Variants in DTNA observed in about 807,000 individuals in gnomAD.
DTNA encodes the protein dystrophin-related protein 3.
A neutral mutation model predicts 100.7 loss-of-function variants in DTNA; 43 were observed. The ratio of observed to expected loss-of-function variants is 0.43; its 90% CI spans 0.33 to 0.55. The LOEUF is 0.55. Among genes scored for constraint, DTNA ranks in the 20% least tolerant of loss-of-function variants. The pLI, the probability that DTNA is intolerant of heterozygous loss-of-function variation, is 0.04. For synonymous variants in DTNA, 349 were observed against 347.9 expected, an observed-to-expected ratio of 1.00 and a Z score of -0.04; for missense variants, 798 against 953.9, an observed-to-expected ratio of 0.84 and a Z score of 2.15.
chr18:34,879,732 C>A lies in DTNA; in HGVS notation c.2162+13C>A, dbSNP rs556564929. On this transcript the variant is annotated intron_variant, in intron 20 of 22. Transcript: ENST00000444659. ...TGCGTGGCGACATGTGAGTATCTTC[C>A]GCTTGGAAGCATTTTCTCAGTAACA... 2 of 1,613,826 alleles carry A rather than the reference C, an allele frequency of 1.2e-6. No homozygotes were observed. Among genetic ancestry groups the A allele is most frequent in the South Asian group, 2.2e-5 (2 of 91,016 alleles).
At position 34,670,014 on chromosome 18, in the gene DTNA, A is replaced by C. The variant is rs568504655; in HGVS notation, c.-1-85962A>C. Among the ~76,000 whole-genome samples the C allele has an allele frequency of 5.3e-5, 8 of 152,284 alleles. No individual in the cohort carries two copies. In the South Asian group the frequency reaches 6.2e-4, roughly 12 times the overall value. On this transcript the variant is annotated intron_variant, in intron 1 of 19. Coordinates refer to the DTNA transcript ENST00000283365. Reference sequence around the variant, plus strand: ...GGAAGTTCTCCTGGATAATATCCTGAAGAGTGTTTTCCAACTTGGTTCCAT... The same window carrying C: ...GGAAGTTCTCCTGGATAATATCCTGCAGAGTGTTTTCCAACTTGGTTCCAT...
intron 1 of DTNA, among the ~76,000 whole-genome samples, chr18:34,747,308 A>T (rs962048270): frequency 1.3e-5 from 2 of 152,134 alleles, no homozygotes; most frequent in African/African-American, 4.8e-5. Flanking sequence ...AACCCGAGCC[A>T]TGAATCGGAT....
intron 21 of DTNA, among the ~76,000 whole-genome samples, chr18:34,883,118 G>A (rs777076009): frequency 3.3e-5 from 5 of 152,154 alleles, no homozygotes; most frequent in Non-Finnish European, 4.4e-5. Context: ...TCCCCATGGA[G>A]GTCGTTCTAC....
chr18:34,751,972 T>C (rs2092358229), intron 1 of DTNA, among the ~76,000 whole-genome samples: 2 of 152,244 alleles, frequency 1.3e-5, no homozygotes, highest in South Asian at 4.1e-4. Context: ...AAACAACATA[T>C]GTCCTGTATA....
chr18:34,833,139 T>G (rs1602962717), intron 11 of DTNA, among the ~76,000 whole-genome samples: 1 of 152,306 alleles, frequency 6.6e-6, no homozygotes, highest in East Asian at 1.9e-4. Flanking sequence ...GCCTTTAATA[T>G]CATGTTCAAT....
intron 1 of DTNA, among the ~76,000 whole-genome samples, chr18:34,550,001 T>G (rs2045231174): frequency 6.6e-6 from 1 of 152,100 alleles, no homozygotes; most frequent in African/African-American, 2.4e-5. Context: ...TTTTGTTCCT[T>G]AAGTTCCTTA....
chr18:34,887,661 G>A (rs538128206), intron 22 of DTNA, 105 bp from the exon 23 acceptor site: 63 of 837,922 alleles, frequency 7.5e-5, no homozygotes, highest in Admixed American at 3.7e-4. Context: ...GTGTGTGCGC[G>A]CGCACTTTCT....
intron 1 of DTNA, among the ~76,000 whole-genome samples, chr18:34,634,650 G>T (rs1392465422): frequency 6.6e-6 from 1 of 151,992 alleles, no homozygotes; most frequent in Non-Finnish European, 1.5e-5. Flanking sequence ...GAAAATTGTG[G>T]ATATTCTTTT....
At chr18:34,639,086 C>A (rs957713201) in intron 1 of DTNA, among the ~76,000 whole-genome samples, 3 of 152,244 alleles carry the variant, frequency 2.0e-5, no homozygotes, top group African/African-American at 7.2e-5. Context: ...GGTGATCCAC[C>A]TGCCTCGGCC....
intron 1 of DTNA, among the ~76,000 whole-genome samples, chr18:34,558,605 A>T (rs2046348781): frequency 6.6e-6 from 1 of 152,190 alleles, no homozygotes; most frequent in African/African-American, 2.4e-5. Flanking sequence ...TAAAAAATAA[A>T]GCCGTTGAAG....
At chr18:34,633,063 T>G (rs2058266097) in intron 1 of DTNA, among the ~76,000 whole-genome samples, 1 of 152,186 alleles carries the variant, frequency 6.6e-6, no homozygotes, top group African/African-American at 2.4e-5. Context: ...AGAGCCATAT[T>G]TGATGAACAA....
chr18:34,631,709 G>T (rs1467727042), intron 1 of DTNA, among the ~76,000 whole-genome samples: 1 of 152,142 alleles, frequency 6.6e-6, no homozygotes, highest in East Asian at 1.9e-4. Flanking sequence ...TTCAGAGTTG[G>T]TCAATAACAA....
intron 19 of DTNA, among the ~76,000 whole-genome samples, chr18:34,878,163 G>T (rs2096837304): frequency 6.6e-6 from 1 of 152,070 alleles, no homozygotes; most frequent in Non-Finnish European, 1.5e-5. Context: ...TTTTCATAGA[G>T]ACAGAGTCTT....
Position 34,733,583 on chromosome 18 carries a change from C to T in DTNA, c.-1-22393C>T, listed in dbSNP as rs1232371019. 6.6e-5 allele frequency among the ~76,000 whole-genome samples: 10 copies of T among 152,118 alleles called. No individual in the cohort carries two copies. In the East Asian group the frequency reaches 7.7e-4, roughly 12 times the overall value. ...TTTAAATTTTATAATTGAGTGACTG[C>T]GGTTACCACCATTAGATCTGACATA... On this transcript the variant is annotated intron_variant, in intron 1 of 22. Transcript: ENST00000444659.
At chr18:34,675,953 G>T (rs1047289423) in intron 1 of DTNA, among the ~76,000 whole-genome samples, 1 of 152,112 alleles carries the variant, frequency 6.6e-6, no homozygotes, top group Admixed American at 6.6e-5. Context: ...CAGTACAGGG[G>T]AATATATCAA....
chr18:34,870,226 T>A (rs1437748711), intron 17 of DTNA, among the ~76,000 whole-genome samples: 1 of 152,204 alleles, frequency 6.6e-6, no homozygotes, highest in African/African-American at 2.4e-5. Context: ...TCAAGCATCA[T>A]TCCAAATTCC....
chr18:34,605,653 AC>A (rs2052920192), intron 1 of DTNA, among the ~76,000 whole-genome samples: 1 of 151,896 alleles, frequency 6.6e-6, no homozygotes, highest in Non-Finnish European at 1.5e-5. Flanking sequence ...ACACACACAC[AC>A]ACACACACAC....
intron 8 of DTNA, 31 bp from the exon 9 acceptor site, chr18:34,820,760 T>C (rs1488186222): frequency 3.7e-6 from 6 of 1,613,900 alleles, no homozygotes; most frequent in Non-Finnish European, 3.4e-6. Context: ...ATATTAGCTG[T>C]TGTCACTTCT....
intron 1 of DTNA, among the ~76,000 whole-genome samples, chr18:34,508,113 A>G (rs2144805442): frequency 6.6e-6 from 1 of 152,274 alleles, no homozygotes; most frequent in African/African-American, 2.4e-5. Flanking sequence ...GGTTGACATC[A>G]AAAAAATGAG....
Sources: gnomAD v4.1 joint callset for allele counts (sites outside exome capture counted in the v4.1 genomes callset) on GRCh38, gnomAD v4.1.1 for gene constraint, MANE v1.5 for transcripts, NCBI Gene and HGNC (gene_info 2026-07-23, HGNC 2026-07-21) for gene names.